The following CLASP1 variants were observed in gnomAD, a reference collection of about 807,000 sequenced individuals.
CLASP1 encodes the protein CLIP-associating protein 1.
Under a neutral mutation model 192.3 loss-of-function variants are expected in CLASP1, and 38 were observed. That is an observed-to-expected ratio of 0.20 (90% CI 0.15 to 0.26). CLASP1 has a LOEUF of 0.26. CLASP1 is among the 10% of genes least tolerant of loss of function. The probability of loss-of-function intolerance (pLI) is 1.00; values close to 1 mark genes in which losing one functional copy is unlikely to be tolerated. For missense variants in CLASP1, 1,433 were observed against 1,932.5 expected (o/e 0.74, Z 4.85); for synonymous variants, 691 against 712.8 (o/e 0.97, Z 0.49).
chr2:121,462,980 G>T (rs2088436927), intron 9 of CLASP1, among the ~76,000 whole-genome samples: 1 of 152,004 alleles, frequency 6.6e-6, no homozygotes, highest in Admixed American at 6.6e-5. Context: ...TGTTATTACT[G>T]GGAATCCAGC....
chr2:121,411,034 G>T, intron 23 of CLASP1, 65 bp from the exon 25 acceptor site: 2 of 1,006,308 alleles, frequency 2.0e-6, no homozygotes, highest in Non-Finnish European at 3.0e-6. Flanking sequence ...TCCTTGCAAG[G>T]ACTACTGCCT....
chr2:121,551,286 G>A (rs138782137), intron 2 of CLASP1, among the ~76,000 whole-genome samples: 32 of 152,170 alleles, frequency 2.1e-4, no homozygotes, highest in South Asian at 8.3e-4. Context: ...CTTGAAAACC[G>A]GCACAAGACA....
At chr2:121,558,277 C>A (rs546954411) in intron 2 of CLASP1, among the ~76,000 whole-genome samples, 44 of 152,056 alleles carry the variant, frequency 2.9e-4, no homozygotes, top group Non-Finnish European at 1.5e-4. Flanking sequence ...TCATAGAAAC[C>A]ACTAATCTAA....
Position 121,529,978 on chromosome 2 carries a change from G to A in CLASP1, c.274+269C>T, listed in dbSNP as rs181960385. ...AGAACACAGTGAAGCCAGTACAAAG[G>A]TATGGGGGAGGGTAAGGGCGCCCGC... On this transcript the variant is annotated intron_variant, in intron 3 of 39. Transcript: ENST00000263710. 1.6e-3 allele frequency among the ~76,000 whole-genome samples: 239 copies of A among 152,270 alleles called. 2 individuals are homozygous for A. Among genetic ancestry groups the A allele is most frequent in the African/African-American group, 5.4e-3 (226 of 41,552 alleles).
At chr2:121,550,813 C>T (rs977827360) in intron 2 of CLASP1, among the ~76,000 whole-genome samples, 2 of 152,164 alleles carry the variant, frequency 1.3e-5, no homozygotes, top group Non-Finnish European at 2.9e-5. Context: ...TGATACCATT[C>T]CTACTGAAAC....
chr2:121,487,339 TA>T (rs2093038361), intron 8 of CLASP1, among the ~76,000 whole-genome samples: 1 of 152,204 alleles, frequency 6.6e-6, no homozygotes, highest in Non-Finnish European at 1.5e-5. Context: ...TTGTTTTTTT[TA>T]ATGACCTGTT....
At chr2:121,641,611 C>T (rs2072098083) in intron 1 of CLASP1, among the ~76,000 whole-genome samples, 1 of 152,150 alleles carries the variant, frequency 6.6e-6, no homozygotes, top group African/African-American at 2.4e-5. Flanking sequence ...ATGTAATACC[C>T]AATGTGAGTT....
intron 24 of CLASP1, chr2:121,407,925 G>A (rs2077159803): frequency 1.4e-6 from 1 of 705,054 alleles, no homozygotes. Context: ...TGTAGTAGAA[G>A]GGAAAGAGTA....
intron 2 of CLASP1, among the ~76,000 whole-genome samples, chr2:121,579,890 G>C: frequency 6.6e-6 from 1 of 152,176 alleles, no homozygotes. Context: ...GTAAAAAGTA[G>C]TAAATGAAGT....
At chr2:121,530,021 G>T (rs576633726) in intron 3 of CLASP1, among the ~76,000 whole-genome samples, 3 of 152,136 alleles carry the variant, frequency 2.0e-5, no homozygotes, top group South Asian at 4.1e-4. Flanking sequence ...GAGGCCAGGG[G>T]AGTCCAGCTG....
chr2:121,367,588 C>T, exon 35 of CLASP1: 1 of 1,613,996 alleles, frequency 6.2e-7, no homozygotes, highest in Non-Finnish European at 8.5e-7. Flanking sequence ...AGACACCAAC[C>T]GTCTCGAAGC....
At chr2:121,643,503 G>A (rs1313588718) in intron 1 of CLASP1, among the ~76,000 whole-genome samples, 3 of 152,176 alleles carry the variant, frequency 2.0e-5, no homozygotes, top group Admixed American at 6.5e-5. Flanking sequence ...TGATAGGATC[G>A]TGATGCTATC....
intron 9 of CLASP1, among the ~76,000 whole-genome samples, chr2:121,468,023 C>A (rs565692135): frequency 5.3e-5 from 8 of 152,316 alleles, no homozygotes; most frequent in African/African-American, 1.9e-4. Flanking sequence ...CCAGTTCTCC[C>A]AGCACCATTT....
chr2:121,533,152 C>T (rs919212190), intron 2 of CLASP1, among the ~76,000 whole-genome samples: 9 of 152,108 alleles, frequency 5.9e-5, no homozygotes, highest in Admixed American at 4.6e-4. Flanking sequence ...AGTTTCAATG[C>T]GTTGCCTAGA....
exon 40 of CLASP1, chr2:121,339,938 C>T (rs560350421): frequency 6.6e-6 from 1 of 152,292 alleles, no homozygotes; most frequent in East Asian, 1.9e-4. Flanking sequence ...GGGGAGGAAA[C>T]AAGTTGGTGC....
chr2:121,640,543 C>T (rs1048652424), intron 1 of CLASP1, among the ~76,000 whole-genome samples: 3 of 152,162 alleles, frequency 2.0e-5, no homozygotes, highest in Non-Finnish European at 2.9e-5. Context: ...ATCTAATCCT[C>T]GTGGAAACCC....
intron 8 of CLASP1, among the ~76,000 whole-genome samples, chr2:121,485,562 T>G (rs778062514): frequency 1.3e-5 from 2 of 152,112 alleles, no homozygotes; most frequent in African/African-American, 4.8e-5. Context: ...CCTTCAAATT[T>G]TGTATTTTAA....
chr2:121,582,532 CAG>C (rs961515217), intron 2 of CLASP1, among the ~76,000 whole-genome samples: 1 of 142,482 alleles, frequency 7.0e-6, no homozygotes. Flanking sequence ...GAAAGAAAGA[CAG>C]AAAGAAAGGC....
chr2:121,505,999 T>C (rs986393884), intron 7 of CLASP1, among the ~76,000 whole-genome samples: 3 of 152,108 alleles, frequency 2.0e-5, no homozygotes, highest in Non-Finnish European at 4.4e-5. Flanking sequence ...AATCCAAACT[T>C]GGAGGACAGA....
Sources: gnomAD v4.1 joint callset for allele counts (sites outside exome capture counted in the v4.1 genomes callset) on GRCh38, gnomAD v4.1.1 for gene constraint, MANE v1.5 for transcripts, NCBI Gene and HGNC (gene_info 2026-07-23, HGNC 2026-07-21) for gene names.